The following EIF4E3 variants were observed in gnomAD, a reference collection of about 807,000 sequenced individuals.
EIF4E3 encodes eukaryotic translation initiation factor 4E family member 3, also known as eukaryotic translation initiation factor 4E type 3.
In EIF4E3, 26 loss-of-function variants were observed where a neutral mutation model predicts 31.7. That is an observed-to-expected ratio of 0.82 (90% CI 0.60 to 1.14). The LOEUF (loss-of-function observed/expected upper bound fraction) is 1.14. EIF4E3 is among the 50% of genes most tolerant of loss of function. The pLI is 0.00. For missense variants in EIF4E3, 304 were observed against 270.9 expected (o/e 1.12, Z -0.86); for synonymous variants, 128 against 107.7 (o/e 1.19, Z -1.17).
chr3:71,714,294 G>T (rs2049430886), intron 1 of EIF4E3, among the ~76,000 whole-genome samples: 1 of 110,982 alleles, frequency 9.0e-6, no homozygotes, highest in Non-Finnish European at 1.8e-5. Context: ...AGGAAGGAAG[G>T]AAGGAAGGAA....
intron 1 of EIF4E3, 95 bp from the exon 2 acceptor site, chr3:71,710,579 A>G: frequency 2.4e-6 from 3 of 1,269,768 alleles, no homozygotes; most frequent in Non-Finnish European, 3.3e-6. Flanking sequence ...CTTCCTAAAA[A>G]TCAGGTCTCA....
rs146108999 is a variant in EIF4E3, at chr3:71,698,929, C to T, written c.344+685G>A. The stretch of plus-strand genomic sequence containing the variant: ...ATACTCAATTTTTTTGCTCAAATTA[C>T]ATTTCTGGTGGCTGGGCCTGGTGGC... On this transcript the variant is annotated intron_variant, in intron 3 of 6. Coordinates refer to ENST00000425534, the MANE Select transcript of EIF4E3 (RefSeq NM_001134651.2). Among the ~76,000 whole-genome samples the T allele has an allele frequency of 3.4e-4, 52 of 152,202 alleles. No homozygotes were observed. In the East Asian group the frequency reaches 9.5e-3, roughly 28 times the overall value.
chr3:71,668,423 G>A, the EIF4E3 span, among the ~76,000 whole-genome samples: 1 of 152,110 alleles, frequency 6.6e-6, no homozygotes, highest in Non-Finnish European at 1.5e-5. Flanking sequence ...AAGAGCTTCT[G>A]CACAGCAAAA....
At chr3:71,754,306 CG>C, upstream of EIF4E3, 1 of 1,154,384 alleles carries the variant, frequency 8.7e-7, no homozygotes, top group Non-Finnish European at 1.1e-6. The surrounding 1 kb of genome is among the most constrained non-coding windows in gnomAD (Gnocchi z 5.8). Flanking sequence ...GCGGCCGCGG[CG>C]GGGGCGCCGC....
At chr3:71,730,391 T>C (rs2108134182), upstream of EIF4E3, among the ~76,000 whole-genome samples, 1 of 152,326 alleles carries the variant, frequency 6.6e-6, no homozygotes, top group African/African-American at 2.4e-5. Context: ...TAAGAAAACA[T>C]TGTCTATAAA....
At position 71,675,514 on chromosome 3, in the gene EIF4E3, C is replaced by T. The variant is rs1006507980; in HGVS notation, c.*9168G>A. On this transcript the variant is annotated 3_prime_UTR_variant, in exon 7 of 7. Transcript: ENST00000425534. ...ACTGGTTTTAAGACAAATCTGCTTA[C>T]ATGGAGTTGTCGCAAAGAAGCAGGT... 2 of 152,154 alleles carry T rather than the reference C, an allele frequency of 1.3e-5. No homozygotes were observed. The highest frequency in any genetic ancestry group is 1.3e-4 in the Admixed American group (2 of 15,274). The allele number at this position is 152,154 out of a possible 1,614,324, so 9.4% of individuals were successfully genotyped here.
At chr3:71,749,984 C>G (rs1353096068) in intron 1 of EIF4E3, among the ~76,000 whole-genome samples, 1 of 152,134 alleles carries the variant, frequency 6.6e-6, no homozygotes, top group Non-Finnish European at 1.5e-5. Context: ...CATATAAATG[C>G]TGTGAGAGAA....
chr3:71,732,404 T>A (rs1187319489), intron 1 of EIF4E3, among the ~76,000 whole-genome samples: 12 of 148,308 alleles, frequency 8.1e-5, no homozygotes, highest in Admixed American at 1.3e-4. Context: ...TTCCCTGATT[T>A]AAAAAAAAAA....
intron 2 of EIF4E3, among the ~76,000 whole-genome samples, chr3:71,700,612 T>TA (rs377334249): frequency 0.4 from 51,129 of 127,198 alleles, 10,391 homozygotes; most frequent in Middle Eastern, 0.5. Flanking sequence ...AGACTCCGTT[T>TA]AAAAAAAAAA....
rs2048893664 is a variant in EIF4E3, at chr3:71,678,863, T to C, written c.*5819A>G. On this transcript the variant is annotated 3_prime_UTR_variant, in exon 7 of 7. Coordinates refer to ENST00000425534, the MANE Select transcript of EIF4E3 (RefSeq NM_001134651.2). ...TAAATTTGGGACAAATAATGTTAGC[T>C]GTCTCAAGCTAAAGTATGCTCACTA... 6.6e-6 allele frequency: 1 copy of C among 152,224 alleles called. No individual in the cohort carries two copies. Among genetic ancestry groups the C allele is most frequent in the South Asian group, 2.1e-4 (1 of 4,830 alleles). 9.4% of individuals were successfully genotyped at this position (152,224 alleles called of 1,614,324 possible). A position where few individuals can be genotyped will look rare whatever the true frequency, so the allele number is the denominator to read the frequency against.
At chr3:71,660,092 G>A in the EIF4E3 span, among the ~76,000 whole-genome samples, 2 of 152,188 alleles carry the variant, frequency 1.3e-5, no homozygotes, top group Admixed American at 6.5e-5. Context: ...CATTGCTGCT[G>A]GAGAAGCTCT....
At chr3:71,754,587 G>A (rs1438122526), upstream of EIF4E3, 2 of 1,416,144 alleles carry the variant, frequency 1.4e-6, no homozygotes, top group Non-Finnish European at 1.8e-6. This position sits in a 1 kb window ranked among gnomAD's most constrained non-coding sequence, Gnocchi z 5.8. Flanking sequence ...GCCCGACGGC[G>A]CCCCCGGCGC....
At chr3:71,717,973 A>G (rs998356951) in intron 1 of EIF4E3, among the ~76,000 whole-genome samples, 1 of 152,252 alleles carries the variant, frequency 6.6e-6, no homozygotes, top group Admixed American at 6.5e-5. Flanking sequence ...CTCGATACAC[A>G]TGCCCAATAC....
intron 2 of EIF4E3, among the ~76,000 whole-genome samples, chr3:71,706,534 G>A (rs531234676): frequency 8.5e-5 from 13 of 152,164 alleles, no homozygotes; most frequent in Non-Finnish European, 1.2e-4. Flanking sequence ...AAGGATCAAC[G>A]TACAGGCCAA....
In EIF4E3 at chr3:71,684,008, A is replaced by G. The variant is rs1022837701; in HGVS notation, c.*674T>C. The G allele has an allele frequency of 6.6e-6, 1 of 152,232 alleles. No homozygotes were observed. Among genetic ancestry groups the G allele is most frequent in the African/African-American group, 2.4e-5 (1 of 41,446 alleles). The allele number at this position is 152,232 out of a possible 1,614,324, so 9.4% of individuals were successfully genotyped here. A position where few individuals can be genotyped will look rare whatever the true frequency, so the allele number is the denominator to read the frequency against. Reference sequence around the variant, plus strand: ...ATTTATATCCTGATACTGAATTGTGATTATAGTTTTCATGTTATGCAATCC... The same window carrying G: ...ATTTATATCCTGATACTGAATTGTGGTTATAGTTTTCATGTTATGCAATCC... On this transcript the variant is annotated 3_prime_UTR_variant, in exon 7 of 7. Coordinates refer to ENST00000425534, the MANE Select transcript of EIF4E3 (RefSeq NM_001134651.2).
chr3:71,669,816 A>G, the EIF4E3 span, among the ~76,000 whole-genome samples: 1 of 152,236 alleles, frequency 6.6e-6, no homozygotes, highest in Non-Finnish European at 1.5e-5. Context: ...AAAGGAGAAG[A>G]TCAAAGCAAT....
In EIF4E3 at chr3:71,678,058, GCGT is replaced by G. The variant is rs2048887757; in HGVS notation, c.*6621_*6623del. On this transcript the variant is annotated 3_prime_UTR_variant, in exon 7 of 7. Transcript: ENST00000425534. Reference sequence around the variant, plus strand: ...ATCAGAATACCAGATAACCTACTAAGCGTCAGACTCCATGCTAGCAGCGTCACA... The same window carrying G: ...ATCAGAATACCAGATAACCTACTAAGCAGACTCCATGCTAGCAGCGTCACA... 1 of 152,118 alleles carries G rather than the reference GCGT, an allele frequency of 6.6e-6. No individual in the cohort carries two copies. The highest frequency in any genetic ancestry group is 1.5e-5 in the Non-Finnish European group (1 of 68,018). 9.4% of individuals were successfully genotyped at this position (152,118 alleles called of 1,614,324 possible).
intron 5 of EIF4E3, among the ~76,000 whole-genome samples, chr3:71,692,919 A>C (rs1559591489): frequency 6.6e-6 from 1 of 152,148 alleles, no homozygotes; most frequent in Non-Finnish European, 1.5e-5. Context: ...ACTGAATAAA[A>C]AGTGGTGTAA....
At chr3:71,661,604 G>A in the EIF4E3 span, among the ~76,000 whole-genome samples, 3 of 152,154 alleles carry the variant, frequency 2.0e-5, no homozygotes, top group Admixed American at 6.5e-5. Flanking sequence ...GAATCCAACC[G>A]CAATGGGCTC....
Sources: allele counts gnomAD v4.1 joint callset (sites outside exome capture counted in the v4.1 genomes callset), GRCh38; gene constraint gnomAD v4.1.1; non-coding constraint Gnocchi (gnomAD v3.1); transcripts MANE v1.5; gene names NCBI Gene and HGNC (gene_info 2026-07-23, HGNC 2026-07-21).